The following PRKACB variants were observed in gnomAD, a reference collection of about 807,000 sequenced individuals.
PRKACB encodes the protein cAMP-dependent protein kinase catalytic subunit beta.
Under a neutral mutation model 51.4 loss-of-function variants are expected in PRKACB, and 16 were observed. The ratio of observed to expected loss-of-function variants is 0.31; its 90% CI spans 0.21 to 0.47. The LOEUF is 0.47. PRKACB is among the 20% of genes least tolerant of loss of function. The pLI, the probability that PRKACB is intolerant of heterozygous loss-of-function variation, is 1.00. For synonymous variants in PRKACB, 147 were observed against 154.4 expected, an observed-to-expected ratio of 0.95 and a Z score of 0.35; for missense variants, 309 against 464.5, an observed-to-expected ratio of 0.67 and a Z score of 3.08.
chr1:84,101,387 A>G (rs1347516442), intron 1 of PRKACB, among the ~76,000 whole-genome samples: 1 of 152,208 alleles, frequency 6.6e-6, no homozygotes, highest in Non-Finnish European at 1.5e-5. Flanking sequence ...CTTCACAGCA[A>G]CACCTAGATC....
chr1:84,101,010 T>C (rs771936746), intron 1 of PRKACB, among the ~76,000 whole-genome samples: 6 of 152,188 alleles, frequency 3.9e-5, no homozygotes, highest in Admixed American at 3.3e-4. Flanking sequence ...TTTCTCCTTA[T>C]TATAATCTTT....
intron 1 of PRKACB, among the ~76,000 whole-genome samples, chr1:84,155,178 A>G (rs1558036912): frequency 2.6e-5 from 4 of 152,186 alleles, no homozygotes; most frequent in Admixed American, 6.6e-5. Context: ...CAAATTCAAT[A>G]AAGATGCAGC....
intron 8 of PRKACB, among the ~76,000 whole-genome samples, chr1:84,213,519 A>G (rs1265941185): frequency 2.0e-5 from 3 of 152,216 alleles, no homozygotes; most frequent in Non-Finnish European, 2.9e-5. Flanking sequence ...AGGCCAGTCT[A>G]GTAATTGTAA....
At chr1:84,112,551 T>C (rs1201082470) in intron 1 of PRKACB, among the ~76,000 whole-genome samples, 1 of 152,172 alleles carries the variant, frequency 6.6e-6, no homozygotes, top group Non-Finnish European at 1.5e-5. Flanking sequence ...TTTTTAACTA[T>C]GTCTTGCCTC....
Position 84,204,352 on chromosome 1 carries a change from G to A in PRKACB, c.906+1547G>A, listed in dbSNP as rs901487533. The A allele has an allele frequency of 6.1e-6, 4 of 654,266 alleles. No individual in the cohort carries two copies. The African/African-American group carries it at 7.3e-5, about 12-fold the overall frequency. 40.5% of individuals were successfully genotyped at this position (654,266 alleles called of 1,614,324 possible). A position where few individuals can be genotyped will look rare whatever the true frequency, so the allele number is the denominator to read the frequency against. ...AGCTAGGTGTTGAATGCTGTGCACT[G>A]ATAAAGGCAATACAGAAAAGCAGAA... On this transcript the variant is annotated intron_variant, in intron 8 of 9. Transcript: ENST00000370685.
chr1:84,087,766 C>T (rs1399272531), intron 1 of PRKACB, among the ~76,000 whole-genome samples: 1 of 152,130 alleles, frequency 6.6e-6, no homozygotes, highest in Admixed American at 6.5e-5. Context: ...AAGTCTTCTT[C>T]TTGCTAATAC....
chr1:84,174,741 CT>C (rs1289578725), intron 1 of PRKACB, among the ~76,000 whole-genome samples: 1 of 151,840 alleles, frequency 6.6e-6, no homozygotes, highest in Non-Finnish European at 1.5e-5. Flanking sequence ...TCAATATTTG[CT>C]TCTTAATATT....
chr1:84,226,825 C>T (rs950554840), intron 9 of PRKACB, among the ~76,000 whole-genome samples: 1 of 152,132 alleles, frequency 6.6e-6, no homozygotes, highest in African/African-American at 2.4e-5. Context: ...TTTCAGGGAT[C>T]ATTTCTATAA....
chr1:84,185,424 G>A (rs545195861), intron 5 of PRKACB, among the ~76,000 whole-genome samples: 5 of 151,572 alleles, frequency 3.3e-5, no homozygotes, highest in Non-Finnish European at 7.4e-5. Flanking sequence ...GATATTGTGA[G>A]GGTCCACTAC....
At chr1:84,169,878 C>T (rs1258768841) in intron 1 of PRKACB, among the ~76,000 whole-genome samples, 1 of 151,532 alleles carries the variant, frequency 6.6e-6, no homozygotes, top group African/African-American at 2.4e-5. Flanking sequence ...GATGTCTTTG[C>T]ATCTTACAAT....
intron 1 of PRKACB, among the ~76,000 whole-genome samples, chr1:84,149,005 A>G (rs1290923716): frequency 6.6e-6 from 1 of 152,092 alleles, no homozygotes; most frequent in East Asian, 1.9e-4. Flanking sequence ...TCCCACCTAG[A>G]CCTACTTAGT....
intron 1 of PRKACB, among the ~76,000 whole-genome samples, chr1:84,114,214 T>C (rs2100856457): frequency 6.6e-6 from 1 of 152,238 alleles, no homozygotes; most frequent in East Asian, 1.9e-4. Flanking sequence ...AGCCCATCAG[T>C]AAAGAAACAG....
chr1:84,131,596 A>T (rs1460382458), intron 1 of PRKACB, among the ~76,000 whole-genome samples: 1 of 152,172 alleles, frequency 6.6e-6, no homozygotes, highest in Non-Finnish European at 1.5e-5. Context: ...AAAAATTGAG[A>T]ATCAGTGTTT....
chr1:84,187,891 T>A (rs912169133), intron 5 of PRKACB, among the ~76,000 whole-genome samples: 23 of 152,278 alleles, frequency 1.5e-4, no homozygotes, highest in African/African-American at 5.3e-4. Flanking sequence ...TAACAGTTTT[T>A]ATTTACTCAT....
intron 1 of PRKACB, among the ~76,000 whole-genome samples, chr1:84,116,220 A>C (rs900563443): frequency 1.3e-5 from 2 of 152,094 alleles, no homozygotes; most frequent in Non-Finnish European, 2.9e-5. Context: ...TTTTTATACC[A>C]ATACTGTGCT....
chr1:84,208,630 G>A (rs1671696249), intron 8 of PRKACB, among the ~76,000 whole-genome samples: 1 of 152,140 alleles, frequency 6.6e-6, no homozygotes, highest in Admixed American at 6.5e-5. Context: ...GATAGATATG[G>A]CTGTCTTCTA....
intron 1 of PRKACB, among the ~76,000 whole-genome samples, chr1:84,145,142 A>T (rs1046779784): frequency 6.6e-5 from 10 of 152,168 alleles, no homozygotes; most frequent in African/African-American, 2.4e-4. Context: ...CAAATGCAGG[A>T]AAAGTTGGTT....
intron 1 of PRKACB, among the ~76,000 whole-genome samples, chr1:84,100,742 CTT>C (rs1179018917): frequency 1.3e-5 from 2 of 152,168 alleles, no homozygotes; most frequent in African/African-American, 4.8e-5. Context: ...TATTACATAG[CTT>C]TTTCTATGTG....
chr1:84,183,983 T>C (rs1664364365), intron 3 of PRKACB, 54 bp from the exon 4 acceptor site: 1 of 1,450,958 alleles, frequency 6.9e-7, no homozygotes, highest in African/African-American at 1.5e-5. Flanking sequence ...TTTTAAATGA[T>C]AACTTTTTAA....
Sources: allele counts gnomAD v4.1 joint callset (sites outside exome capture counted in the v4.1 genomes callset), GRCh38; gene constraint gnomAD v4.1.1; transcripts MANE v1.5; gene names NCBI Gene and HGNC (gene_info 2026-07-23, HGNC 2026-07-21).